UVRAG: variants seen among roughly 807,000 people sequenced by gnomAD.
UVRAG encodes the protein UV radiation resistance associated.
UVRAG carries 19 observed loss-of-function variants against 78.0 expected under a neutral mutation model. That is an observed-to-expected ratio of 0.24 (90% confidence interval 0.17 to 0.36). The LOEUF is 0.36. Among genes scored for constraint, UVRAG ranks in the 10% least tolerant of loss-of-function variants. UVRAG has a pLI of 1.00. For missense variants in UVRAG, 740 were observed against 853.8 expected (o/e 0.87, Z 1.66); for synonymous variants, 323 against 324.6 (o/e 1.00, Z 0.05).
intron 12 of UVRAG, among the ~76,000 whole-genome samples, chr11:76,032,464 A>C (rs1354034827): frequency 6.6e-6 from 1 of 152,256 alleles, no homozygotes; most frequent in African/African-American, 2.4e-5. Context: ...TAGTTAAATC[A>C]TAAGAGAGTT....
chr11:75,968,439 A>G (rs1483355990), intron 7 of UVRAG, among the ~76,000 whole-genome samples: 1 of 152,226 alleles, frequency 6.6e-6, no homozygotes, highest in South Asian at 2.1e-4. Flanking sequence ...TTAGAAAGGA[A>G]GTAGAACTAG....
chr11:75,949,457 T>C (rs1948642354), intron 6 of UVRAG, among the ~76,000 whole-genome samples: 1 of 152,096 alleles, frequency 6.6e-6, no homozygotes, highest in Admixed American at 6.6e-5. Context: ...TTTTTATCTC[T>C]GGCCAAGATC....
chr11:75,976,181 A>G (rs12071081), intron 7 of UVRAG, among the ~76,000 whole-genome samples: 16,440 of 152,012 alleles, frequency 0.11, 2,126 homozygotes, highest in African/African-American at 0.31. Context: ...ATTGATTTGC[A>G]TATGTTGAAC....
chr11:76,008,989 T>G lies in UVRAG; in HGVS notation c.1060+122T>G. The G allele has an allele frequency of 5.7e-6, 3 of 529,342 alleles. No individual in the cohort carries two copies. In the East Asian group the frequency reaches 9.0e-5, roughly 16 times the overall value. The allele number at this position is 529,342 out of a possible 1,614,324, so 32.8% of individuals were successfully genotyped here. On this transcript the variant is annotated intron_variant, in intron 11 of 14. Coordinates refer to ENST00000356136, the MANE Select transcript of UVRAG (RefSeq NM_003369.4). ...TTTTGGACTTTCTGTCCTTTCCCAA[T>G]TGCAAGTATGTATATCAGACTCCTT...
chr11:76,112,798 C>G (rs1327915122), intron 13 of UVRAG, among the ~76,000 whole-genome samples: 1 of 151,404 alleles, frequency 6.6e-6, no homozygotes, highest in African/African-American at 2.4e-5. Flanking sequence ...ACAATCTCAG[C>G]TCACTGCAGC....
chr11:75,967,589 A>G (rs1949048415), intron 7 of UVRAG, among the ~76,000 whole-genome samples: 2 of 152,222 alleles, frequency 1.3e-5, no homozygotes, highest in Non-Finnish European at 2.9e-5. Flanking sequence ...ATTGGTCTCA[A>G]GACCTCTTTG....
intron 14 of UVRAG, among the ~76,000 whole-genome samples, chr11:76,117,657 A>T (rs1339282840): frequency 1.3e-5 from 2 of 152,154 alleles, no homozygotes. Context: ...CCTCATAATC[A>T]CAATGTAAAC....
intron 5 of UVRAG, among the ~76,000 whole-genome samples, chr11:75,889,669 T>C (rs777047043): frequency 6.6e-6 from 1 of 152,230 alleles, no homozygotes; most frequent in Non-Finnish European, 1.5e-5. Context: ...TTAGAGTACT[T>C]CATTTATTCA....
chr11:75,944,105 C>G (rs1213967534), intron 6 of UVRAG, among the ~76,000 whole-genome samples: 2 of 152,132 alleles, frequency 1.3e-5, no homozygotes, highest in Non-Finnish European at 2.9e-5. Context: ...TAGCACACAA[C>G]CCACTTTCTG....
At chr11:75,932,801 A>T (rs1387410817) in intron 6 of UVRAG, among the ~76,000 whole-genome samples, 2 of 152,342 alleles carry the variant, frequency 1.3e-5, no homozygotes, top group South Asian at 2.1e-4. Flanking sequence ...TTAACTAAAG[A>T]CATGAAAGCT....
At chr11:75,993,852 G>A (rs948609662) in intron 8 of UVRAG, among the ~76,000 whole-genome samples, 4 of 152,098 alleles carry the variant, frequency 2.6e-5, no homozygotes, top group East Asian at 1.9e-4. Flanking sequence ...GGAAGCTTTC[G>A]GTCATGGTGG....
At chr11:75,997,089 G>C (rs1446737859) in intron 8 of UVRAG, among the ~76,000 whole-genome samples, 1 of 152,292 alleles carries the variant, frequency 6.6e-6, no homozygotes, top group Admixed American at 6.5e-5. Flanking sequence ...TTTTGCAAAA[G>C]TTACAGCAAG....
At chr11:75,828,805 A>ATATATT (rs1478310271) in intron 1 of UVRAG, among the ~76,000 whole-genome samples, 121 of 100,246 alleles carry the variant, frequency 1.2e-3, no homozygotes, top group East Asian at 2.3e-3. Flanking sequence ...ATATATATAT[A>ATATATT]TTTTTTTTTT....
chr11:75,857,481 T>C (rs1356364678), intron 2 of UVRAG, among the ~76,000 whole-genome samples: 2 of 152,070 alleles, frequency 1.3e-5, no homozygotes, highest in Admixed American at 6.5e-5. Context: ...TTGCAGATCT[T>C]TCTTTTTCCC....
In UVRAG at chr11:76,140,846, T is replaced by C; in HGVS notation, c.1533T>C (p.Asn511=). ...ATCGAAAACGGGCCAGCTCTGAGAATGAGAGACTTCAGTACAAAACCCCTC... is the reference window on the plus strand; with the variant it reads ...ATCGAAAACGGGCCAGCTCTGAGAACGAGAGACTTCAGTACAAAACCCCTC... ...KGHRKRASSE[N]ERLQYKTPPP... The change falls in exon 15 of 15, where the codon AAT becomes AAC. Residue 511 remains asparagine (N), a synonymous_variant. Transcript: ENST00000356136. 1 of 1,614,200 alleles carries C rather than the reference T, an allele frequency of 6.2e-7. No homozygotes were observed. The highest frequency in any genetic ancestry group is 1.3e-5 in the African/African-American group (1 of 75,052).
intron 11 of UVRAG, among the ~76,000 whole-genome samples, chr11:76,011,484 G>A (rs549039919): frequency 6.6e-6 from 1 of 152,268 alleles, no homozygotes; most frequent in Admixed American, 6.5e-5. Flanking sequence ...AATTAGCTGG[G>A]TGTGGTGGCA....
intron 13 of UVRAG, among the ~76,000 whole-genome samples, chr11:76,090,399 C>G (rs1951675037): frequency 6.6e-6 from 1 of 152,148 alleles, no homozygotes; most frequent in Admixed American, 6.5e-5. Flanking sequence ...AATGTATATA[C>G]TTAGCCAACC....
intron 12 of UVRAG, among the ~76,000 whole-genome samples, chr11:76,023,902 C>G (rs1950287118): frequency 6.6e-6 from 1 of 152,066 alleles, no homozygotes; most frequent in South Asian, 2.1e-4. Flanking sequence ...TCTACTGTAC[C>G]ATTTTTGCTG....
chr11:75,928,502 C>A (rs563818912), intron 6 of UVRAG, among the ~76,000 whole-genome samples: 1 of 151,940 alleles, frequency 6.6e-6, no homozygotes, highest in African/African-American at 2.4e-5. Flanking sequence ...TGGTGGCTCA[C>A]GCCTGTAATC....
Sources: allele counts gnomAD v4.1 joint callset (sites outside exome capture counted in the v4.1 genomes callset), GRCh38; gene constraint gnomAD v4.1.1; transcripts MANE v1.5; gene names NCBI Gene and HGNC (gene_info 2026-07-23, HGNC 2026-07-21).